Variants in MTA3 observed in about 807,000 individuals in gnomAD.
MTA3 encodes metastasis associated 1 family member 3, also known as metastasis-associated protein MTA3.
Under a neutral mutation model 83.5 loss-of-function variants are expected in MTA3, and 34 were observed. The ratio of observed to expected loss-of-function variants is 0.41; its 90% CI spans 0.31 to 0.54. The LOEUF (loss-of-function observed/expected upper bound fraction) is 0.54, where lower values mean the gene tolerates loss of function less well. MTA3 is among the 20% of genes least tolerant of loss of function. The pLI is 0.33. For synonymous variants in MTA3, 303 were observed against 252.7 expected (o/e 1.20, Z -1.89); for missense variants, 761 against 726.4 (o/e 1.05, Z -0.55).
intron 2 of MTA3, among the ~76,000 whole-genome samples, chr2:42,513,262 G>A (rs1674982974): frequency 6.6e-6 from 1 of 152,184 alleles, no homozygotes; most frequent in Non-Finnish European, 1.5e-5. Context: ...GTGGTTGGAG[G>A]GAGTGTGAGG....
intron 2 of MTA3, among the ~76,000 whole-genome samples, chr2:42,517,741 G>C (rs1369629009): frequency 1.3e-5 from 2 of 150,948 alleles, no homozygotes; most frequent in Non-Finnish European, 2.9e-5. Flanking sequence ...AGCCAGGTGT[G>C]GTGGCGGGAG....
At chr2:42,577,161 C>G (rs567205943) in intron 2 of MTA3, among the ~76,000 whole-genome samples, 1 of 140,126 alleles carries the variant, frequency 7.1e-6, no homozygotes, top group African/African-American at 2.7e-5. Flanking sequence ...TGCTGTAATG[C>G]ACTTAGTCTC....
At chr2:42,512,193 C>CT (rs1674938020) in intron 2 of MTA3, among the ~76,000 whole-genome samples, 1 of 150,578 alleles carries the variant, frequency 6.6e-6, no homozygotes, top group Non-Finnish European at 1.5e-5. Context: ...AACTTGATGA[C>CT]TGGCAGTTTT....
At chr2:42,615,263 T>C (rs1233704042) in intron 4 of MTA3, among the ~76,000 whole-genome samples, 1 of 150,960 alleles carries the variant, frequency 6.6e-6, no homozygotes, top group Non-Finnish European at 1.5e-5. Context: ...TTTTTTTCTT[T>C]TTTTTTTTTT....
At chr2:42,745,084 C>G (rs1008298032) in intron 16 of MTA3, among the ~76,000 whole-genome samples, 2 of 152,220 alleles carry the variant, frequency 1.3e-5, no homozygotes, top group Non-Finnish European at 2.9e-5. Flanking sequence ...CAGAAAACAT[C>G]TGAGTTATAA....
At chr2:42,603,824 C>T (rs892001195) in intron 3 of MTA3, among the ~76,000 whole-genome samples, 4 of 151,862 alleles carry the variant, frequency 2.6e-5, no homozygotes, top group Non-Finnish European at 1.5e-5. Flanking sequence ...AGTGATGGCT[C>T]ACTGCAAGCC....
At chr2:42,510,833 A>T (rs935240175) in intron 2 of MTA3, among the ~76,000 whole-genome samples, 3 of 152,164 alleles carry the variant, frequency 2.0e-5, no homozygotes, top group Admixed American at 6.6e-5. Flanking sequence ...GACCCTTATC[A>T]CATCACAGGA....
intron 8 of MTA3, among the ~76,000 whole-genome samples, chr2:42,668,082 G>T (rs1400945342): frequency 6.6e-6 from 1 of 152,202 alleles, no homozygotes; most frequent in Non-Finnish European, 1.5e-5. Flanking sequence ...TCTGCTTCAG[G>T]AAGGTTATGG....
chr2:42,739,957 T>A (rs1668903352), intron 16 of MTA3, among the ~76,000 whole-genome samples: 1 of 152,232 alleles, frequency 6.6e-6, no homozygotes, highest in Non-Finnish European at 1.5e-5. Flanking sequence ...ATGTCCACCA[T>A]ATCTGCAGTT....
chr2:42,688,713 C>T (rs1272320885), intron 9 of MTA3, among the ~76,000 whole-genome samples: 7 of 149,280 alleles, frequency 4.7e-5, no homozygotes, highest in South Asian at 4.2e-4. Flanking sequence ...TAGTTATAGT[C>T]GGTTTTTTTG....
At chr2:42,724,675 A>G (rs944769100) in intron 16 of MTA3, among the ~76,000 whole-genome samples, 4 of 151,964 alleles carry the variant, frequency 2.6e-5, no homozygotes, top group Non-Finnish European at 5.9e-5. Flanking sequence ...ACTGTGACTG[A>G]TGTTAGCATA....
chr2:42,756,483 G>C lies in MTA3; in HGVS notation c.*3084G>C. The C allele has an allele frequency of 1.0e-6, 1 of 985,556 alleles. No homozygotes were observed. Among genetic ancestry groups the C allele is most frequent in the Non-Finnish European group, 1.2e-6 (1 of 830,032 alleles). 61.1% of individuals were successfully genotyped at this position (985,556 alleles called of 1,614,324 possible). A position where few individuals can be genotyped will look rare whatever the true frequency, so the allele number is the denominator to read the frequency against. On this transcript the variant is annotated 3_prime_UTR_variant, in exon 17 of 17. Transcript: ENST00000405094. ...GGGCAAGCAGGTGGGGCTGTGCGTG[G>C]CCTCAGTGCACTCGGTGTCATGTCT...
intron 2 of MTA3, among the ~76,000 whole-genome samples, chr2:42,535,821 TA>T (rs1481913678): frequency 6.7e-6 from 1 of 149,696 alleles, no homozygotes; most frequent in Non-Finnish European, 1.5e-5. Flanking sequence ...AGCTTGGAGA[TA>T]AAAATGGAGC....
At chr2:42,599,214 C>T (rs554970823) in intron 3 of MTA3, among the ~76,000 whole-genome samples, 27 of 152,254 alleles carry the variant, frequency 1.8e-4, no homozygotes, top group Middle Eastern at 3.4e-3. Context: ...TAAAGCTGCA[C>T]ATGTTTTCAT....
intron 2 of MTA3, among the ~76,000 whole-genome samples, chr2:42,548,981 C>A (rs1366054702): frequency 7.6e-6 from 1 of 130,868 alleles, no homozygotes; most frequent in Admixed American, 9.3e-5. Flanking sequence ...TCAAGACCAG[C>A]GTGACCAACA....
chr2:42,708,892 C>T lies in MTA3; in HGVS notation c.1321C>T (p.His441Tyr), dbSNP rs1666351847. Residue 441 changes from histidine to tyrosine, a missense_variant, in exon 14 of 17, where the codon CAC becomes TAC. Coordinates refer to ENST00000405094, the MANE Select transcript of MTA3 (RefSeq NM_001330442.2). Reference sequence around the variant, plus strand: ...TTTGCAGGACCCTCGTGTTAGAAGTCACGTGTCCCGCCAGGCCATGCAGGG... The same window carrying T: ...TTTGCAGGACCCTCGTGTTAGAAGTTACGTGTCCCGCCAGGCCATGCAGGG... The part of the protein sequence containing the change: ...PTTEDPRVRS[H>Y]VSRQAMQGMP... The T allele has an allele frequency of 6.2e-6, 10 of 1,613,962 alleles. No individual in the cohort carries two copies. The highest frequency in any genetic ancestry group is 8.5e-6 in the Non-Finnish European group (10 of 1,179,894).
intron 16 of MTA3, among the ~76,000 whole-genome samples, chr2:42,728,260 A>G (rs553295231): frequency 2.2e-4 from 33 of 152,266 alleles, no homozygotes; most frequent in Middle Eastern, 3.4e-3. Context: ...TGTTGTTGCA[A>G]ATGACAGGAT....
intron 14 of MTA3, among the ~76,000 whole-genome samples, chr2:42,715,097 G>C (rs1666931246): frequency 6.6e-6 from 1 of 152,204 alleles, no homozygotes; most frequent in African/African-American, 2.4e-5. Flanking sequence ...TTCTCAGATT[G>C]CTTTCATTAT....
intron 4 of MTA3, among the ~76,000 whole-genome samples, chr2:42,616,102 C>G (rs1684849006): frequency 1.3e-5 from 2 of 151,990 alleles, no homozygotes; most frequent in South Asian, 4.2e-4. Context: ...CTCTCATCAC[C>G]CAGGCTAGAG....
Sources: gnomAD v4.1 joint callset for allele counts (sites outside exome capture counted in the v4.1 genomes callset) on GRCh38, gnomAD v4.1.1 for gene constraint, MANE v1.5 for transcripts, NCBI Gene and HGNC (gene_info 2026-07-23, HGNC 2026-07-21) for gene names.